The following FLACC1 variants were observed in gnomAD, a reference collection of about 807,000 sequenced individuals.
FLACC1 encodes the protein flagellum-associated coiled-coil domain-containing protein 1.
Under a neutral mutation model 62.8 loss-of-function variants are expected in FLACC1, and 66 were observed. The ratio of observed to expected loss-of-function variants is 1.05; its 90% confidence interval spans 0.86 to 1.29. The LOEUF is 1.29. Ranked by LOEUF, FLACC1 falls within the 50% of genes most tolerant of loss-of-function variation. The probability of loss-of-function intolerance (pLI) is 0.00; values close to 1 mark genes in which losing one functional copy is unlikely to be tolerated. For synonymous variants in FLACC1, 156 were observed against 161.0 expected, an observed-to-expected ratio of 0.97 and a Z score of 0.24; for missense variants, 452 against 489.1, an observed-to-expected ratio of 0.92 and a Z score of 0.71.
At chr2:201,312,911 AG>A (rs1179365117) in intron 9 of FLACC1, among the ~76,000 whole-genome samples, 1 of 152,226 alleles carries the variant, frequency 6.6e-6, no homozygotes, top group East Asian at 1.9e-4. Flanking sequence ...GAAGTAGGAA[AG>A]GGGGATTGTC....
At chr2:201,363,693 G>A in the FLACC1 span, among the ~76,000 whole-genome samples, 6 of 151,980 alleles carry the variant, frequency 3.9e-5, no homozygotes, top group Admixed American at 2.0e-4. Context: ...GCACTCACTT[G>A]CCTGGAACAG....
rs1441859483 is a variant in FLACC1 at position 201,288,773 on chromosome 2, A to ATCTT, written c.1147_1150dup (p.Ile384LysfsTer5). On this transcript the variant is annotated frameshift_variant, in exon 15 of 15. Coordinates refer to ENST00000392257, the MANE Select transcript of FLACC1 (RefSeq NM_001127391.3). LOFTEE classifies it low-confidence loss of function (END_TRUNC). ...ACAAATTTCTTCATTCTTAGAAATT[A>ATCTT]TCTTTTGCCTGTAAAAAGAAAGGAA... 6.2e-7 allele frequency: 1 copy of ATCTT among 1,613,534 alleles called. No individual in the cohort carries two copies. Among genetic ancestry groups the ATCTT allele is most frequent in the Non-Finnish European group, 8.5e-7 (1 of 1,179,970 alleles).
chr2:201,360,603 T>C (rs987257601), upstream of FLACC1, among the ~76,000 whole-genome samples: 1 of 152,138 alleles, frequency 6.6e-6, no homozygotes, highest in South Asian at 2.1e-4. Flanking sequence ...GACTTTAGAG[T>C]GGTGCTATGC....
At chr2:201,344,637 T>C (rs1950877872) in intron 5 of FLACC1, among the ~76,000 whole-genome samples, 1 of 152,194 alleles carries the variant, frequency 6.6e-6, no homozygotes, top group Admixed American at 6.5e-5. Flanking sequence ...AATTAGAAGA[T>C]GTGCAATAGG....
Position 201,320,626 on chromosome 2 carries a change from C to T in FLACC1, c.675+9844G>A, listed in dbSNP as rs1293956835. On this transcript the variant is annotated intron_variant, in intron 9 of 14. Coordinates refer to ENST00000392257, the MANE Select transcript of FLACC1 (RefSeq NM_001127391.3). ...GCAACACTGCCTTTTGGAACATCAA[C>T]CCAGTGGCCTGAGAACCACTCCCAT... 2.0e-5 allele frequency among the ~76,000 whole-genome samples: 3 copies of T among 152,182 alleles called. No individual in the cohort carries two copies. The East Asian group carries it at 5.8e-4, about 29-fold the overall frequency.
chr2:201,344,437 G>T (rs1435539190), intron 5 of FLACC1, among the ~76,000 whole-genome samples, 174 bp from the exon 6 acceptor site: 10 of 152,190 alleles, frequency 6.6e-5, no homozygotes, highest in African/African-American at 2.4e-4. Flanking sequence ...TGGTCTTACA[G>T]AAGGCATTTG....
At chr2:201,358,337 G>T (rs1352562812), upstream of FLACC1, among the ~76,000 whole-genome samples, 1 of 152,014 alleles carries the variant, frequency 6.6e-6, no homozygotes, top group African/African-American at 2.4e-5. Flanking sequence ...TGACCTCCTG[G>T]ACTCAAGCGA....
At position 201,346,663 on chromosome 2, in the gene FLACC1, C is replaced by T. The variant is rs760942539; in HGVS notation, c.247G>A (p.Val83Met). The T allele has an allele frequency of 7.9e-5, 127 of 1,614,072 alleles. 1 individual carries two copies. Among genetic ancestry groups the T allele is most frequent in the Non-Finnish European group, 1.0e-4 (118 of 1,180,040 alleles). ...CGAACAAGTTGATAGCCAGGTGACA[C>T]GTTGATCACTTCCTAGGCATCAAGG... Reference protein sequence around the residue: ...TNKSFYEVINVSPGYQLVRNR... With the variant: ...TNKSFYEVINMSPGYQLVRNR... The change falls in exon 5 of 15, where the codon GTG (valine) becomes ATG (methionine). Residue 83 changes from valine to methionine, a missense_variant. Transcript: ENST00000392257. The surrounding 1 kb of genome is among the most constrained non-coding windows in gnomAD (Gnocchi z 4.0).
At chr2:201,331,514 G>A (rs901426017) in intron 7 of FLACC1, among the ~76,000 whole-genome samples, 4 of 152,132 alleles carry the variant, frequency 2.6e-5, no homozygotes, top group African/African-American at 7.2e-5. Flanking sequence ...TGTTTATGAT[G>A]AGTATTAAAA....
intron 12 of FLACC1, among the ~76,000 whole-genome samples, chr2:201,293,322 C>T (rs1949780922): frequency 6.6e-6 from 1 of 152,214 alleles, no homozygotes. Flanking sequence ...AACAAACCGT[C>T]TCTCAGACCA....
chr2:201,337,771 C>T (rs1340496400), intron 7 of FLACC1, among the ~76,000 whole-genome samples: 2 of 152,182 alleles, frequency 1.3e-5, no homozygotes, highest in African/African-American at 4.8e-5. Context: ...CATCCTCTCG[C>T]CTTGGCCTCC....
At chr2:201,359,285 T>G (rs1951164109), upstream of FLACC1, among the ~76,000 whole-genome samples, 1 of 152,204 alleles carries the variant, frequency 6.6e-6, no homozygotes. Context: ...AGTTCAGTTT[T>G]GGATATGTTG....
At chr2:201,299,196 T>G (rs1421487051) in intron 12 of FLACC1, 42 bp downstream of exon 12, 3 of 1,558,572 alleles carry the variant, frequency 1.9e-6, no homozygotes, top group Middle Eastern at 1.7e-4. Flanking sequence ...ATTGGTGTAT[T>G]TGTAATATAC....
intron 9 of FLACC1, among the ~76,000 whole-genome samples, chr2:201,319,608 C>A (rs9677180): frequency 1.5e-4 from 23 of 152,152 alleles, no homozygotes; most frequent in Admixed American, 1.2e-3. Flanking sequence ...TCACAAACTA[C>A]GCATCTGACA....
At chr2:201,309,925 A>AAAAAAAAAAAAAAAAAAAAAAGAAG (rs764506462) in intron 9 of FLACC1, among the ~76,000 whole-genome samples, 4 of 99,390 alleles carry the variant, frequency 4.0e-5, no homozygotes, top group East Asian at 4.3e-4. Context: ...AAAAAAAAAA[A>AAAAAAAAAAAAAAAAAAAAAAGAAG]AAGAAGAAGA....
intron 4 of FLACC1, 21 bp downstream of exon 4, chr2:201,348,233 C>T (rs767117330): frequency 6.2e-7 from 1 of 1,611,546 alleles, no homozygotes; most frequent in South Asian, 1.1e-5. Flanking sequence ...AGTCCCACCG[C>T]CCTCTCCTGC....
At chr2:201,303,697 T>A (rs1045707437) in intron 11 of FLACC1, among the ~76,000 whole-genome samples, 6 of 152,110 alleles carry the variant, frequency 3.9e-5, no homozygotes, top group Non-Finnish European at 8.8e-5. Flanking sequence ...ACTGGCAAAC[T>A]GAATCCAGGA....
At chr2:201,363,923 C>T in the FLACC1 span, among the ~76,000 whole-genome samples, 1 of 152,202 alleles carries the variant, frequency 6.6e-6, no homozygotes, top group Non-Finnish European at 1.5e-5. Flanking sequence ...GTACTTGTAC[C>T]TGCCATCAGG....
intron 9 of FLACC1, among the ~76,000 whole-genome samples, chr2:201,327,731 C>A (rs1211393343): frequency 2.0e-5 from 3 of 152,046 alleles, no homozygotes; most frequent in Non-Finnish European, 4.4e-5. Flanking sequence ...ATTAGTACAA[C>A]CTTTTGGAAA....
Sources: allele counts gnomAD v4.1 joint callset (sites outside exome capture counted in the v4.1 genomes callset), GRCh38; gene constraint gnomAD v4.1.1; non-coding constraint Gnocchi (gnomAD v3.1); transcripts MANE v1.5; gene names NCBI Gene and HGNC (gene_info 2026-07-23, HGNC 2026-07-21).